APC2: variants seen among roughly 807,000 people sequenced by gnomAD.
APC2 encodes APC regulator of Wnt signaling pathway 2, also known as adenomatous polyposis coli protein 2.
A neutral mutation model predicts 72.5 loss-of-function variants in APC2; 41 were observed. The observed-to-expected ratio is 0.57, with a 90% confidence interval of 0.44 to 0.73. APC2 has a LOEUF of 0.73. Ranked by LOEUF, APC2 falls within the 30% of genes least tolerant of loss-of-function variation. The pLI is 0.00. For missense variants in APC2, 3,729 were observed against 3,403.4 expected, an observed-to-expected ratio of 1.10 and a Z score of -2.38; for synonymous variants, 1,898 against 1,612.0, an observed-to-expected ratio of 1.18 and a Z score of -4.25.
At position 1,470,504 on chromosome 19, in the gene APC2, T is replaced by G; in HGVS notation, c.*291T>G. On this transcript the variant is annotated 3_prime_UTR_variant, in exon 15 of 15. Transcript: ENST00000590469. The stretch of plus-strand genomic sequence containing the variant: ...TGGCCCAGCCCTGAGCGCGCGGCCC[T>G]TCCCCTGTCGGAAGCCGTTGCTTGA... 5.5e-6 allele frequency: 2 copies of G among 361,974 alleles called. No homozygotes were observed. The highest frequency in any genetic ancestry group is 5.0e-6 in the Non-Finnish European group (1 of 201,082). The allele number at this position is 361,974 out of a possible 1,614,324, so 22.4% of individuals were successfully genotyped here.
In APC2 at chr19:1,461,807, T is replaced by C. The variant is rs573639753; in HGVS notation, c.1639-156T>C. 3.2e-5 allele frequency: 20 copies of C among 632,186 alleles called. No individual in the cohort carries two copies. In the Admixed American group the frequency reaches 5.9e-4, roughly 19 times the overall value. 39.2% of individuals were successfully genotyped at this position (632,186 alleles called of 1,614,324 possible). On this transcript the variant is annotated intron_variant, in intron 13 of 14. Coordinates refer to ENST00000590469, the MANE Select transcript of APC2 (RefSeq NM_005883.3). ...TCGGAGCCTGCAGTGAGTCGAGATC[T>C]CGCCACTGCACTCCAGCCTGGGGGA... is the stretch of plus-strand genomic sequence containing the variant.
At position 1,462,053 on chromosome 19, in the gene APC2, G is replaced by A. The variant is rs143631108; in HGVS notation, c.1729G>A (p.Ala577Thr). ...GGCGGCCATCTGCCAGGTGGATGGC[G>A]CCCTGGGCTTCCTGGTGAGCACCCT... ...NKAAICQVDG[A>T]LGFLVSTLTY... is the part of the protein sequence containing the mutation. The change falls in exon 14 of 15, where the codon GCC becomes ACC. Residue 577 changes from alanine to threonine, a missense_variant. Coordinates refer to ENST00000590469, the MANE Select transcript of APC2 (RefSeq NM_005883.3). 8.7e-6 allele frequency: 14 copies of A among 1,612,842 alleles called. No homozygotes were observed. The highest frequency in any genetic ancestry group is 5.3e-5 in the African/African-American group (4 of 74,844).
Position 1,465,558 on chromosome 19 carries a change from G to T in APC2, c.2257G>T (p.Ala753Ser). The change falls in exon 15 of 15, where the codon GCC becomes TCC. Residue 753 changes from alanine to serine, a missense_variant. Coordinates refer to ENST00000590469, the MANE Select transcript of APC2 (RefSeq NM_005883.3). ...EKQGPPAAEA[A>S]TKKPLPPLRH... ...GCAGGGCCCGCCGGCAGCCGAGGCCGCCACTAAGAAGCCGCTGCCGCCCCT... is the reference window on the plus strand; with the variant it reads ...GCAGGGCCCGCCGGCAGCCGAGGCCTCCACTAAGAAGCCGCTGCCGCCCCT... The T allele has an allele frequency of 6.5e-7, 1 of 1,544,408 alleles. No homozygotes were observed.
chr19:1,455,557 ATC>A, intron 6 of APC2, 57 bp downstream of exon 6: 1 of 1,487,150 alleles, frequency 6.7e-7, no homozygotes, highest in Non-Finnish European at 9.2e-7. Context: ...CAGTGGGCAA[ATC>A]AGAGTGCAGA....
At chr19:1,447,547 C>T (rs1434498932), upstream of APC2, among the ~76,000 whole-genome samples, 1 of 151,822 alleles carries the variant, frequency 6.6e-6, no homozygotes, top group Admixed American at 6.6e-5. Flanking sequence ...GGAGACCTCT[C>T]TCAGTCTCCT....
upstream of APC2, among the ~76,000 whole-genome samples, chr19:1,446,515 G>T (rs985700856): frequency 6.6e-6 from 1 of 151,468 alleles, no homozygotes; most frequent in Non-Finnish European, 1.5e-5. The surrounding 1 kb of genome is among the most constrained non-coding windows in gnomAD (Gnocchi z 6.1). Flanking sequence ...CCGGGAAACC[G>T]CCTCGGAAGG....
At chr19:1,455,710 G>A (rs1433751520) in intron 6 of APC2, among the ~76,000 whole-genome samples, 1 of 152,118 alleles carries the variant, frequency 6.6e-6, no homozygotes, top group African/African-American at 2.4e-5. Flanking sequence ...GAGCACAAGG[G>A]CGGTGGGGTG....
At chr19:1,462,819 A>G (rs2145220731) in intron 14 of APC2, among the ~76,000 whole-genome samples, 1 of 149,986 alleles carries the variant, frequency 6.7e-6, no homozygotes, top group Non-Finnish European at 1.5e-5. Flanking sequence ...AAAATACAAA[A>G]AATTAGCTGG....
In APC2 at chr19:1,462,182, G is replaced by GCGGGGCCCCCC; in HGVS notation, c.1853+6_1853+7insGGGGCCCCCCC. ...CGCCACCCGTGAGGACTACAGGTCGGCCCCCACCCCCCCACCCGCACACAG... is the reference window on the plus strand; with the variant it reads ...CGCCACCCGTGAGGACTACAGGTCGGCGGGGCCCCCCCCCCCACCCCCCCACCCGCACACAG... On this transcript the variant is annotated splice_donor_region_variant and intron_variant, in intron 14 of 14. Coordinates refer to ENST00000590469, the MANE Select transcript of APC2 (RefSeq NM_005883.3). 6.5e-7 allele frequency: 1 copy of GCGGGGCCCCCC among 1,535,398 alleles called. No homozygotes were observed. Among genetic ancestry groups the GCGGGGCCCCCC allele is most frequent in the Non-Finnish European group, 8.8e-7 (1 of 1,139,608 alleles).
In APC2 at chr19:1,467,183, G is replaced by A; in HGVS notation, c.3882G>A (p.Leu1294=). 6.6e-7 allele frequency: 1 copy of A among 1,517,542 alleles called. No individual in the cohort carries two copies. Among genetic ancestry groups the A allele is most frequent in the East Asian group, 2.3e-5 (1 of 43,436 alleles). 94.0% of individuals were successfully genotyped at this position (1,517,542 alleles called of 1,614,324 possible). Residue 1294 remains leucine (L), a synonymous_variant, in exon 15 of 15, where the codon CTG becomes CTA. Transcript: ENST00000590469. ...ACTACGTGCAGCAGGACGTGGAGCT[G>A]CGGCTGCTGCCCTCGGCCTGCCCCG... ...HEHYVQQDVE[L]RLLPSACPER...
chr19:1,468,478 T>C lies in APC2; in HGVS notation c.5177T>C (p.Val1726Ala), dbSNP rs768846017. 2 of 1,603,932 alleles carry C rather than the reference T, an allele frequency of 1.2e-6. No individual in the cohort carries two copies. The highest frequency in any genetic ancestry group is 1.7e-6 in the Non-Finnish European group (2 of 1,176,848). The change falls in exon 15 of 15, where the codon GTG (valine) becomes GCG (alanine). Residue 1726 changes from valine to alanine, a missense_variant. Transcript: ENST00000590469. ...CTGTCCTTCGTATCCGGGCTGTCAG[T>C]GGGATCCACCCTACAGCCCCCCAAG... The part of the protein sequence containing the change: ...SILSFVSGLS[V>A]GSTLQPPKHR...
intron 2 of APC2, 47 bp downstream of exon 2, chr19:1,453,189 C>T: frequency 6.4e-7 from 1 of 1,567,762 alleles, no homozygotes; most frequent in South Asian, 1.2e-5. Flanking sequence ...GGGGTGGTGC[C>T]CCCCGGCAGC....
At chr19:1,461,934 G>T (rs1253767197) in intron 13 of APC2, 29 bp from the exon 14 acceptor site, 1 of 1,581,266 alleles carries the variant, frequency 6.3e-7, no homozygotes, top group African/African-American at 1.3e-5. Context: ...CTCAGGCCCT[G>T]ACCCGCCCCT....
chr19:1,457,529 T>A (rs2083854170), intron 9 of APC2: 1 of 534,326 alleles, frequency 1.9e-6, no homozygotes. Flanking sequence ...TTTTTTGCAG[T>A]TGATCGCAAA....
rs556505123 is a variant in APC2 at position 1,461,529 on chromosome 19, G to A, written c.1638+376G>A. ...GGTTGCGCCACTGCATTCCAGCCTG[G>A]GCCACAGAGCAAGACTGCGTCTCAA... On this transcript the variant is annotated intron_variant, in intron 13 of 14. Coordinates refer to ENST00000590469, the MANE Select transcript of APC2 (RefSeq NM_005883.3). 3.2e-4 allele frequency: 115 copies of A among 361,492 alleles called. 1 individual carries two copies. The highest frequency in any genetic ancestry group is 1.2e-3 in the Admixed American group (28 of 23,024). The allele number at this position is 361,492 out of a possible 1,614,324, so 22.4% of individuals were successfully genotyped here.
chr19:1,457,496 T>A, intron 9 of APC2: 1 of 566,472 alleles, frequency 1.8e-6, no homozygotes, highest in Non-Finnish European at 3.0e-6. Flanking sequence ...CTCTGGAAAG[T>A]TGGGTGCAGA....
Position 1,453,446 on chromosome 19 carries a change from T to A in APC2, c.248T>A (p.Ile83Asn), listed in dbSNP as rs753682554. ...LEQLKALQMD[I>N]TSLYNLKFQP... ...GCCCATCCAGCCCTACAGATGGACATCACCAGCCTGTACAACCTCAAGTTC... is the reference window on the plus strand; with the variant it reads ...GCCCATCCAGCCCTACAGATGGACAACACCAGCCTGTACAACCTCAAGTTC... Residue 83 changes from isoleucine (I) to asparagine (N), a missense_variant, in exon 4 of 15, where the codon ATC (isoleucine) becomes AAC (asparagine). By Grantham distance (149) the Ile-to-Asn change is moderately radical. Coordinates refer to ENST00000590469, the MANE Select transcript of APC2 (RefSeq NM_005883.3). 1 of 1,602,518 alleles carries A rather than the reference T, an allele frequency of 6.2e-7. No individual in the cohort carries two copies. Among genetic ancestry groups the A allele is most frequent in the Non-Finnish European group, 8.5e-7 (1 of 1,172,698 alleles).
Position 1,465,580 on chromosome 19 carries a change from C to T in APC2, c.2279C>T (p.Pro760Leu). 2 of 1,570,374 alleles carry T rather than the reference C, an allele frequency of 1.3e-6. No individual in the cohort carries two copies. Among genetic ancestry groups the T allele is most frequent in the Non-Finnish European group, 1.7e-6 (2 of 1,159,922 alleles). ...GCCGCCACTAAGAAGCCGCTGCCGCCCCTGCGACACCTGGACGGCCTGGCC... is the reference window on the plus strand; with the variant it reads ...GCCGCCACTAAGAAGCCGCTGCCGCTCCTGCGACACCTGGACGGCCTGGCC... ...AEAATKKPLP[P>L]LRHLDGLAQD... The change falls in exon 15 of 15, where the codon CCC (proline) becomes CTC (leucine). Residue 760 changes from proline to leucine, a missense_variant. Physicochemically the swap from Pro to Leu is moderately conservative, Grantham distance 98. Transcript: ENST00000590469.
At chr19:1,450,736 C>G (rs549038370) in intron 1 of APC2, among the ~76,000 whole-genome samples, 1 of 152,198 alleles carries the variant, frequency 6.6e-6, no homozygotes, top group Non-Finnish European at 1.5e-5. Context: ...AAATGCAGCC[C>G]GCTCAATAAG....
Sources: gnomAD v4.1 joint callset for allele counts (sites outside exome capture counted in the v4.1 genomes callset) on GRCh38, gnomAD v4.1.1 for gene constraint, Gnocchi (gnomAD v3.1) non-coding constraint, MANE v1.5 for transcripts, NCBI Gene and HGNC (gene_info 2026-07-23, HGNC 2026-07-21) for gene names.